MELK: variants seen among roughly 807,000 people sequenced by gnomAD.
MELK encodes pEg3 kinase.
In MELK, 81 loss-of-function variants were observed where a neutral mutation model predicts 85.0. The observed-to-expected ratio is 0.95, with a 90% CI of 0.80 to 1.15. The LOEUF is 1.15. MELK is among the 50% of genes most tolerant of loss of function. MELK has a pLI of 0.00. For synonymous variants in MELK, 252 were observed against 265.0 expected (o/e 0.95, Z 0.48); for missense variants, 754 against 777.5 (o/e 0.97, Z 0.36).
At chr9:36,627,419 G>A (rs1828046668) in intron 8 of MELK, among the ~76,000 whole-genome samples, 1 of 151,922 alleles carries the variant, frequency 6.6e-6, no homozygotes, top group Non-Finnish European at 1.5e-5. Flanking sequence ...TTCCTAGGAA[G>A]AACAGTAGCT....
chr9:36,599,503 T>C lies in MELK; in HGVS notation c.567+17T>C, dbSNP rs1422619847. 6.4e-7 allele frequency: 1 copy of C among 1,570,990 alleles called. No homozygotes were observed. The highest frequency in any genetic ancestry group is 1.7e-5 in the Admixed American group (1 of 59,782). Reference sequence around the variant, plus strand: ...GGATCAGAGGTAATTATTCATTGATTAATTCATTATATAATCAGCAGACAT... The same window carrying C: ...GGATCAGAGGTAATTATTCATTGATCAATTCATTATATAATCAGCAGACAT... On this transcript the variant is annotated intron_variant, in intron 7 of 17. Coordinates refer to ENST00000298048, the MANE Select transcript of MELK (RefSeq NM_014791.4).
At chr9:36,635,267 A>AT (rs36030207) in intron 10 of MELK, among the ~76,000 whole-genome samples, 7,555 of 147,474 alleles carry the variant, frequency 0.051, 586 homozygotes, top group African/African-American at 0.17. Flanking sequence ...TTTAATTTTA[A>AT]TTTTTTTTTT....
chr9:36,619,543 C>T (rs1195374916), intron 8 of MELK, among the ~76,000 whole-genome samples: 1 of 152,078 alleles, frequency 6.6e-6, no homozygotes, highest in Non-Finnish European at 1.5e-5. Flanking sequence ...TTTGCATATT[C>T]ACCTTGACCA....
intron 13 of MELK, among the ~76,000 whole-genome samples, chr9:36,660,543 A>C (rs1466462518): frequency 1.3e-5 from 2 of 151,798 alleles, no homozygotes; most frequent in Non-Finnish European, 2.9e-5. Flanking sequence ...GCTGGTCTCA[A>C]ACTCCTGGAC....
chr9:36,602,560 T>G (rs1457611586), intron 7 of MELK, among the ~76,000 whole-genome samples: 2 of 85,630 alleles, frequency 2.3e-5, no homozygotes, highest in East Asian at 5.4e-4. Context: ...CTCTACAGAC[T>G]TTTTTTTTTT....
At chr9:36,676,546 A>C (rs892572667) in intron 17 of MELK, among the ~76,000 whole-genome samples, 1 of 152,174 alleles carries the variant, frequency 6.6e-6, no homozygotes, top group Non-Finnish European at 1.5e-5. Context: ...AGTTCTATCT[A>C]TAAATGCCGT....
chr9:36,589,726 C>A, intron 4 of MELK, 74 bp downstream of exon 4: 1 of 1,111,418 alleles, frequency 9.0e-7, no homozygotes, highest in Non-Finnish European at 1.3e-6. Flanking sequence ...GTACATTTCA[C>A]CTGAAAGATT....
intron 10 of MELK, among the ~76,000 whole-genome samples, chr9:36,640,511 A>T (rs1829660698): frequency 6.6e-6 from 1 of 152,118 alleles, no homozygotes; most frequent in Non-Finnish European, 1.5e-5. Context: ...CAGTGGCTTG[A>T]TCATACCTCA....
intron 3 of MELK, among the ~76,000 whole-genome samples, chr9:36,585,991 T>C (rs7046277): frequency 0.23 from 34,611 of 151,988 alleles, 6,362 homozygotes; most frequent in African/African-American, 0.51. Context: ...GGCTTAATAT[T>C]AATTGTTACC....
chr9:36,579,441 C>G (rs1214558012), intron 1 of MELK, among the ~76,000 whole-genome samples: 1 of 152,226 alleles, frequency 6.6e-6, no homozygotes, highest in Non-Finnish European at 1.5e-5. Context: ...GGATTATAGG[C>G]GTGAGCCTCT....
intron 1 of MELK, among the ~76,000 whole-genome samples, chr9:36,580,083 C>T (rs934242322): frequency 6.3e-5 from 9 of 143,634 alleles, no homozygotes; most frequent in African/African-American, 1.3e-4. Flanking sequence ...AATCTCGCTC[C>T]GTTGCCCAGG....
At chr9:36,666,887 G>A (rs1022729776) in intron 14 of MELK, among the ~76,000 whole-genome samples, 2 of 149,804 alleles carry the variant, frequency 1.3e-5, no homozygotes, top group Middle Eastern at 3.2e-3. Flanking sequence ...GTGTGTGTGT[G>A]TGTGTGTGTG....
intron 8 of MELK, among the ~76,000 whole-genome samples, chr9:36,614,338 A>T (rs897450364): frequency 1.3e-5 from 2 of 149,722 alleles, no homozygotes; most frequent in African/African-American, 4.9e-5. Flanking sequence ...CAGGTGATTC[A>T]CCTGCCTCGG....
At chr9:36,583,585 T>C (rs779836357) in intron 2 of MELK, 42 bp from the exon 3 acceptor site, 2 of 1,351,670 alleles carry the variant, frequency 1.5e-6, no homozygotes, top group Non-Finnish European at 2.1e-6. Context: ...TGTTTGTGCC[T>C]GAGTCCTTGC....
At chr9:36,598,519 T>A (rs1364762085) in intron 6 of MELK, among the ~76,000 whole-genome samples, 1 of 152,170 alleles carries the variant, frequency 6.6e-6, no homozygotes, top group African/African-American at 2.4e-5. Context: ...CATTATGTCT[T>A]GGTATTTCTG....
intron 9 of MELK, among the ~76,000 whole-genome samples, chr9:36,631,556 GC>G (rs1294959565): frequency 6.6e-6 from 1 of 151,760 alleles, no homozygotes; most frequent in Non-Finnish European, 1.5e-5. Context: ...GTGAGCCACC[GC>G]ACCCAGCCTG....
intron 17 of MELK, 85 bp downstream of exon 17, chr9:36,675,022 A>G: frequency 1.1e-6 from 1 of 935,412 alleles, no homozygotes; most frequent in Non-Finnish European, 1.7e-6. Context: ...GCGGTGGCTC[A>G]CGCCTGTAAT....
intron 11 of MELK, among the ~76,000 whole-genome samples, chr9:36,644,615 A>G (rs1207570898): frequency 1.3e-5 from 2 of 152,202 alleles, no homozygotes; most frequent in Admixed American, 6.5e-5. Context: ...TCAGTCTTTC[A>G]TTAGTGAAAA....
intron 11 of MELK, among the ~76,000 whole-genome samples, chr9:36,644,586 T>C (rs1255865509): frequency 6.6e-6 from 1 of 152,214 alleles, no homozygotes; most frequent in Non-Finnish European, 1.5e-5. Flanking sequence ...TGGGAATTGC[T>C]GTAAGATTTG....
Sources: allele counts gnomAD v4.1 joint callset (sites outside exome capture counted in the v4.1 genomes callset), GRCh38; gene constraint gnomAD v4.1.1; transcripts MANE v1.5; gene names NCBI Gene and HGNC (gene_info 2026-07-23, HGNC 2026-07-21).